The following INPP5B variants were observed in gnomAD, a reference collection of about 807,000 sequenced individuals.
The protein encoded by INPP5B is type II inositol 1,4,5-trisphosphate 5-phosphatase.
INPP5B carries 90 observed loss-of-function variants against 118.5 expected under a neutral mutation model. The observed-to-expected ratio is 0.76, with a 90% CI of 0.64 to 0.90. The LOEUF is 0.90. INPP5B is among the 40% of genes least tolerant of loss of function. The pLI is 0.00. For missense variants in INPP5B, 984 were observed against 1,125.6 expected, an observed-to-expected ratio of 0.87 and a Z score of 1.80; for synonymous variants, 385 against 418.9, an observed-to-expected ratio of 0.92 and a Z score of 0.99.
chr1:37,936,319 T>C (rs1570391343), intron 6 of INPP5B, among the ~76,000 whole-genome samples: 1 of 151,764 alleles, frequency 6.6e-6, no homozygotes, highest in East Asian at 1.9e-4. Context: ...CCTTCTAGCC[T>C]AAGCTTAAAT....
intron 7 of INPP5B, among the ~76,000 whole-genome samples, chr1:37,912,101 C>T (rs922369060): frequency 3.9e-5 from 6 of 152,162 alleles, no homozygotes; most frequent in Admixed American, 3.9e-4. Flanking sequence ...ACAGGAAATT[C>T]GCTAGGCTGC....
At chr1:37,872,370 C>CA (rs371968500) in intron 19 of INPP5B, among the ~76,000 whole-genome samples, 72,567 of 102,086 alleles carry the variant, frequency 0.71, 26,326 homozygotes, top group Middle Eastern at 0.81. Flanking sequence ...AACTCCGTCT[C>CA]AAAAAAAAAA....
chr1:37,909,254 C>T (rs1468553129), intron 7 of INPP5B, among the ~76,000 whole-genome samples: 1 of 152,108 alleles, frequency 6.6e-6, no homozygotes, highest in African/African-American at 2.4e-5. Context: ...CAGTCTCCAC[C>T]CCAAGCTCTG....
At chr1:37,936,260 C>T (rs1645686128) in intron 6 of INPP5B, among the ~76,000 whole-genome samples, 1 of 152,090 alleles carries the variant, frequency 6.6e-6, no homozygotes, top group Admixed American at 6.6e-5. Context: ...CTCCGACTGC[C>T]AAGCCCTTTT....
At chr1:37,919,111 T>A (rs2148626958) in intron 7 of INPP5B, among the ~76,000 whole-genome samples, 1 of 152,298 alleles carries the variant, frequency 6.6e-6, no homozygotes, top group Non-Finnish European at 1.5e-5. Context: ...GAGGACATCA[T>A]CATCAATGAA....
rs1187628984 is a variant in INPP5B at position 37,878,185 on chromosome 1, T to C, written c.1677+3A>G. On this transcript the variant is annotated splice_donor_region_variant and intron_variant, in intron 16 of 23. Coordinates refer to ENST00000373024, the MANE Select transcript of INPP5B (RefSeq NM_005540.3). ...ATTACAACAGGTACCAGCTGCCACC[T>C]ACCCCGATGTCAAACACTGAGCTGA... 4.3e-6 allele frequency: 7 copies of C among 1,613,830 alleles called. No individual in the cohort carries two copies. The highest frequency in any genetic ancestry group is 5.9e-6 in the Non-Finnish European group (7 of 1,179,900).
chr1:37,913,967 C>A (rs182659683), intron 7 of INPP5B, among the ~76,000 whole-genome samples: 5 of 152,104 alleles, frequency 3.3e-5, no homozygotes, highest in African/African-American at 4.8e-5. Flanking sequence ...TCTACCCCCC[C>A]ACTTAAGAAG....
chr1:37,875,610 C>G lies in INPP5B; in HGVS notation c.1784G>C (p.Arg595Pro). ...TTCTTAACATGTCCTTCCTACCTCT[C>G]GCTTGGACAGGGACACAGAAGGAAT... ...ANIPSVSLSK[R>P]EFCFQNVKYM... is the part of the protein sequence containing the mutation. Residue 595 changes from arginine (R) to proline (P), a missense_variant, in exon 17 of 24, where the codon CGA (arginine) becomes CCA (proline). Physicochemically the swap from Arg to Pro is moderately radical, Grantham distance 103. Around this residue, in one of 2 missense-constraint regions of INPP5B, gnomAD observed 634 missense variants for 791.0 expected, o/e 0.80. Coordinates refer to ENST00000373024, the MANE Select transcript of INPP5B (RefSeq NM_005540.3). 1 of 1,611,998 alleles carries G rather than the reference C, an allele frequency of 6.2e-7. No individual in the cohort carries two copies. The highest frequency in any genetic ancestry group is 1.7e-4 in the Middle Eastern group (1 of 6,058).
chr1:37,901,606 C>T (rs1011877323), intron 7 of INPP5B, among the ~76,000 whole-genome samples: 5 of 152,124 alleles, frequency 3.3e-5, no homozygotes, highest in East Asian at 3.9e-4. Context: ...TGCATCTTGT[C>T]GATGTCTTCT....
At chr1:37,883,512 C>G (rs937023303) in intron 13 of INPP5B, 8 of 985,322 alleles carry the variant, frequency 8.1e-6, no homozygotes, top group Non-Finnish European at 8.4e-6. Context: ...TGAAGGCTCC[C>G]TGATGACACT....
At chr1:37,890,738 C>T (rs773304906) in intron 8 of INPP5B, among the ~76,000 whole-genome samples, 35 of 152,096 alleles carry the variant, frequency 2.3e-4, no homozygotes, top group African/African-American at 4.3e-4. Flanking sequence ...CAAGGGAGGG[C>T]TAGACTGCCA....
At chr1:37,892,848 T>C (rs779068634) in intron 7 of INPP5B, among the ~76,000 whole-genome samples, 42 of 152,132 alleles carry the variant, frequency 2.8e-4, no homozygotes, top group Admixed American at 4.6e-4. Context: ...GCCCTCATGA[T>C]TGGGATTAGT....
At chr1:37,938,378 T>C (rs1645785569) in intron 6 of INPP5B, among the ~76,000 whole-genome samples, 1 of 152,192 alleles carries the variant, frequency 6.6e-6, no homozygotes. Context: ...CTTGGAATAG[T>C]GCCTAACGCA....
chr1:37,946,455 G>A, intron 1 of INPP5B, 121 bp from the exon 2 acceptor site: 1 of 680,774 alleles, frequency 1.5e-6, no homozygotes, highest in South Asian at 1.8e-5. Flanking sequence ...TGGTACCGGG[G>A]AGGCCTGATC....
At chr1:37,911,836 G>A (rs2148603235) in intron 7 of INPP5B, among the ~76,000 whole-genome samples, 1 of 152,208 alleles carries the variant, frequency 6.6e-6, no homozygotes, top group South Asian at 2.1e-4. Context: ...CCATCAAAAG[G>A]CATCAGATCC....
chr1:37,873,959 C>T, intron 18 of INPP5B, 34 bp downstream of exon 18: 1 of 1,486,086 alleles, frequency 6.7e-7, no homozygotes, highest in East Asian at 2.3e-5. Flanking sequence ...ATTCCCCAAA[C>T]CAGATACCAG....
chr1:37,889,198 C>T (rs890851210), intron 9 of INPP5B, among the ~76,000 whole-genome samples: 3 of 152,210 alleles, frequency 2.0e-5, no homozygotes, highest in Admixed American at 2.0e-4. Context: ...GACTGCACCA[C>T]TGCACTCCAG....
chr1:37,882,743 G>T, intron 14 of INPP5B, 64 bp downstream of exon 14: 1 of 1,314,620 alleles, frequency 7.6e-7, no homozygotes, highest in Non-Finnish European at 1.1e-6. Flanking sequence ...TTGGAAGCCA[G>T]GCTTTTCTGT....
At chr1:37,925,411 T>C (rs1375190253) in intron 7 of INPP5B, among the ~76,000 whole-genome samples, 1 of 152,150 alleles carries the variant, frequency 6.6e-6, no homozygotes, top group African/African-American at 2.4e-5. Flanking sequence ...ATTTATTTTA[T>C]ATATTTATCT....
Sources: gnomAD v4.1 joint callset for allele counts (sites outside exome capture counted in the v4.1 genomes callset) on GRCh38, gnomAD v4.1.1 for gene constraint, gnomAD v4.1.1 regional missense constraint, MANE v1.5 for transcripts, NCBI Gene and HGNC (gene_info 2026-07-23, HGNC 2026-07-21) for gene names.